PDE1A: variants seen among roughly 807,000 people sequenced by gnomAD.
The protein encoded by PDE1A is dual specificity calcium/calmodulin-dependent 3',5'-cyclic nucleotide phosphodiesterase 1A.
Under a neutral mutation model 61.7 loss-of-function variants are expected in PDE1A, and 35 were observed. The ratio of observed to expected loss-of-function variants is 0.57; its 90% CI spans 0.43 to 0.75. The LOEUF (loss-of-function observed/expected upper bound fraction) is 0.75, where lower values mean the gene tolerates loss of function less well. Ranked by LOEUF, PDE1A falls within the 30% of genes least tolerant of loss-of-function variation. PDE1A has a pLI of 0.00. For synonymous variants in PDE1A, 232 were observed against 213.2 expected (o/e 1.09, Z -0.77); for missense variants, 597 against 630.6 (o/e 0.95, Z 0.57).
At chr2:182,277,118 C>T (rs750010251) in intron 1 of PDE1A, among the ~76,000 whole-genome samples, 9 of 152,056 alleles carry the variant, frequency 5.9e-5, no homozygotes, top group Non-Finnish European at 1.0e-4. Flanking sequence ...TCCTCAGAAG[C>T]ATGTGATCTT....
intron 1 of PDE1A, among the ~76,000 whole-genome samples, chr2:182,339,237 C>A (rs1698029585): frequency 6.6e-6 from 1 of 152,100 alleles, no homozygotes; most frequent in African/African-American, 2.4e-5. Flanking sequence ...TGAAGACTTT[C>A]AATGAAATTT....
intron 11 of PDE1A, among the ~76,000 whole-genome samples, chr2:182,187,691 T>G (rs1298818678): frequency 6.6e-6 from 1 of 151,902 alleles, no homozygotes; most frequent in Admixed American, 6.6e-5. Flanking sequence ...TCAGTGTTAA[T>G]TGACCACCTA....
chr2:182,631,958 A>T, the PDE1A span, among the ~76,000 whole-genome samples: 1 of 152,252 alleles, frequency 6.6e-6, no homozygotes, highest in African/African-American at 2.4e-5. Flanking sequence ...GTGGAATGAG[A>T]TATAGCTGAA....
the PDE1A span, among the ~76,000 whole-genome samples, chr2:182,581,418 G>A: frequency 6.6e-6 from 1 of 152,152 alleles, no homozygotes; most frequent in Admixed American, 6.5e-5. Context: ...GCATTCAAAA[G>A]ATAGCACCCA....
At chr2:182,333,616 C>T (rs951268528) in intron 1 of PDE1A, among the ~76,000 whole-genome samples, 18 of 152,008 alleles carry the variant, frequency 1.2e-4, no homozygotes, top group Non-Finnish European at 2.5e-4. Context: ...TAGGTGCCCA[C>T]AAGAGAAAGC....
intron 1 of PDE1A, among the ~76,000 whole-genome samples, chr2:182,340,425 C>G (rs1698110928): frequency 6.6e-6 from 1 of 152,146 alleles, no homozygotes; most frequent in Non-Finnish European, 1.5e-5. Flanking sequence ...CCGACACCTC[C>G]TTTCTCATGT....
the PDE1A span, among the ~76,000 whole-genome samples, chr2:182,537,141 C>T: frequency 6.6e-6 from 1 of 152,148 alleles, no homozygotes; most frequent in Admixed American, 6.5e-5. Context: ...AGCAACTAAG[C>T]TTTGGTGTAA....
intron 10 of PDE1A, among the ~76,000 whole-genome samples, chr2:182,192,964 A>C (rs1390339922): frequency 1.3e-5 from 2 of 152,016 alleles, no homozygotes; most frequent in African/African-American, 4.8e-5. Context: ...AAACCAAAAA[A>C]ATTTCTATAG....
chr2:182,315,456 T>C (rs1696278625), intron 1 of PDE1A, among the ~76,000 whole-genome samples: 1 of 152,168 alleles, frequency 6.6e-6, no homozygotes, highest in Non-Finnish European at 1.5e-5. Context: ...TTAAATTCTA[T>C]AGCAGAAAGG....
chr2:182,492,791 A>AT (rs1049323029), intron 2 of PDE1A, among the ~76,000 whole-genome samples: 12 of 152,264 alleles, frequency 7.9e-5, no homozygotes, highest in African/African-American at 2.9e-4. Flanking sequence ...GGCTAACTAA[A>AT]TTTTTTTGAT....
At chr2:182,583,797 T>C in the PDE1A span, among the ~76,000 whole-genome samples, 1 of 152,214 alleles carries the variant, frequency 6.6e-6, no homozygotes, top group Non-Finnish European at 1.5e-5. Context: ...CATTATACAA[T>C]GTTTCGCATG....
intron 1 of PDE1A, among the ~76,000 whole-genome samples, chr2:182,306,213 C>T (rs1055504758): frequency 1.3e-5 from 2 of 152,034 alleles, no homozygotes; most frequent in East Asian, 1.9e-4. Flanking sequence ...ACAGAATTTT[C>T]TTCCTTTTTA....
intron 2 of PDE1A, among the ~76,000 whole-genome samples, chr2:182,472,193 G>C (rs555548071): frequency 6.6e-6 from 1 of 151,870 alleles, no homozygotes; most frequent in East Asian, 1.9e-4. Context: ...TGATTCAGCA[G>C]TCTCACTACT....
chr2:182,568,651 T>C, the PDE1A span, among the ~76,000 whole-genome samples: 1 of 152,152 alleles, frequency 6.6e-6, no homozygotes, highest in Non-Finnish European at 1.5e-5. Flanking sequence ...GGTGACACAG[T>C]GAGACGCCGT....
intron 2 of PDE1A, among the ~76,000 whole-genome samples, chr2:182,459,433 C>G (rs1014280387): frequency 3.9e-5 from 6 of 152,148 alleles, no homozygotes; most frequent in Admixed American, 3.9e-4. Context: ...CTTTCTTATT[C>G]TCCTAAATCA....
the PDE1A span, among the ~76,000 whole-genome samples, chr2:182,609,581 T>C: frequency 1.7e-3 from 254 of 152,280 alleles, 4 homozygotes; most frequent in African/African-American, 5.9e-3. Flanking sequence ...TTAAGAGCTG[T>C]AACACTCACC....
intron 13 of PDE1A, among the ~76,000 whole-genome samples, chr2:182,147,451 T>G (rs765112832): frequency 6.6e-6 from 1 of 152,216 alleles, no homozygotes; most frequent in Non-Finnish European, 1.5e-5. Flanking sequence ...TAAAAAATCA[T>G]GTTTTTTCTG....
chr2:182,357,338 G>A (rs1383016583), intron 1 of PDE1A, among the ~76,000 whole-genome samples: 2 of 151,962 alleles, frequency 1.3e-5, no homozygotes, highest in Admixed American at 6.6e-5. Flanking sequence ...AAGGGAGAGA[G>A]AATAGGACTG....
chr2:182,657,217 G>A, the PDE1A span, among the ~76,000 whole-genome samples: 12 of 152,056 alleles, frequency 7.9e-5, no homozygotes, highest in South Asian at 2.1e-4. Context: ...TCGAGACTCC[G>A]TCTCAAAAAA....
Sources: gnomAD v4.1 joint callset for allele counts (sites outside exome capture counted in the v4.1 genomes callset) on GRCh38, gnomAD v4.1.1 for gene constraint, MANE v1.5 for transcripts, NCBI Gene and HGNC (gene_info 2026-07-23, HGNC 2026-07-21) for gene names.